The following C2CD2 variants were observed in gnomAD, a reference collection of about 807,000 sequenced individuals.
The protein encoded by C2CD2 is C2 calcium dependent domain containing 2, also known as C2 domain-containing protein 2.
C2CD2 carries 43 observed loss-of-function variants against 74.3 expected under a neutral mutation model. The observed-to-expected ratio is 0.58, with a 90% CI of 0.45 to 0.75. C2CD2 has a LOEUF of 0.75. Ranked by LOEUF, C2CD2 falls within the 30% of genes least tolerant of loss-of-function variation. The pLI is 0.00. For missense variants in C2CD2, 801 were observed against 916.3 expected, an observed-to-expected ratio of 0.87 and a Z score of 1.63; for synonymous variants, 422 against 390.7, an observed-to-expected ratio of 1.08 and a Z score of -0.94.
intron 8 of C2CD2, chr21:41,908,087 C>A (rs1170397948): frequency 1.8e-5 from 7 of 391,750 alleles, no homozygotes; most frequent in Non-Finnish European, 3.3e-5. Context: ...GTGACAAAAA[C>A]TGGAAGATGG....
chr21:41,942,048 G>GT (rs2065358633), intron 2 of C2CD2, 99 bp downstream of exon 2: 1 of 1,457,550 alleles, frequency 6.9e-7, no homozygotes, highest in Non-Finnish European at 9.2e-7. Flanking sequence ...TTTTCCTAGT[G>GT]TAAGGGTTCC....
chr21:41,907,116 AG>A lies in C2CD2; in HGVS notation c.1193del (p.Pro398LeufsTer7). ...CCTTTTCTATTTTTGCAGCAGGAACAGGGGGAGGGATGGGCCAGGATTTCAA... is the reference window on the plus strand; with the variant it reads ...CCTTTTCTATTTTTGCAGCAGGAACAGGGGAGGGATGGGCCAGGATTTCAA... The part of the protein sequence containing the change: ...GELKSWPIPP[P>X]VPAAKIEKDR... On this transcript the variant is annotated frameshift_variant, in exon 10 of 14. Transcript: ENST00000380486. LOFTEE classifies it high-confidence loss of function. 1 of 1,614,026 alleles carries A rather than the reference AG, an allele frequency of 6.2e-7. No individual in the cohort carries two copies. Among genetic ancestry groups the A allele is most frequent in the South Asian group, 1.1e-5 (1 of 91,080 alleles).
chr21:41,899,000 A>T, intron 13 of C2CD2, 53 bp downstream of exon 13: 1 of 1,368,346 alleles, frequency 7.3e-7, no homozygotes, highest in African/African-American at 1.5e-5. Flanking sequence ...AGCCAGCATG[A>T]GCGCAAAGCC....
At position 41,953,595 on chromosome 21, in the gene C2CD2, C is replaced by G. The variant is rs910893813; in HGVS notation, c.54G>C (p.Leu18=). The part of the protein sequence containing the change: ...SWLGEAQWLA[L]VSLFVAALAT... ...CCAGGGCCGCGACGAAGAGCGACAC[C>G]AGCGCGAGCCACTGCGCCTCCCCGA... Residue 18 remains leucine (L), a synonymous_variant, in exon 1 of 14, where the codon CTG becomes CTC. Transcript: ENST00000380486. 3 of 1,492,956 alleles carry G rather than the reference C, an allele frequency of 2.0e-6. No individual in the cohort carries two copies. In the African/African-American group the frequency reaches 4.4e-5, roughly 22 times the overall value. The allele number at this position is 1,492,956 out of a possible 1,614,324, so 92.5% of individuals were successfully genotyped here. A position where few individuals can be genotyped will look rare whatever the true frequency, so the allele number is the denominator to read the frequency against.
chr21:41,951,564 C>T (rs541396952), intron 1 of C2CD2, among the ~76,000 whole-genome samples: 4 of 152,246 alleles, frequency 2.6e-5, no homozygotes, highest in East Asian at 3.9e-4. Context: ...ACAGAGAAGG[C>T]GCAAACAAGG....
In C2CD2 at chr21:41,953,459, G is replaced by C; in HGVS notation, c.190C>G (p.Leu64Val). ...CTGCCCAGCGTCAGGATCCAGGAGA[G>C]CAGCGCGTCGGACCCCGGGCGCGGC... ...EGPRPGSDALLSWILTLGSWR... is the reference protein window; with the variant it reads ...EGPRPGSDALVSWILTLGSWR... Residue 64 changes from leucine to valine, a missense_variant, in exon 1 of 14, where the codon CTC becomes GTC. Coordinates refer to ENST00000380486, the MANE Select transcript of C2CD2 (RefSeq NM_015500.2). The C allele has an allele frequency of 1.3e-6, 2 of 1,488,746 alleles. No individual in the cohort carries two copies. Among genetic ancestry groups the C allele is most frequent in the Non-Finnish European group, 1.8e-6 (2 of 1,116,152 alleles). 92.2% of individuals were successfully genotyped at this position (1,488,746 alleles called of 1,614,324 possible).
chr21:41,889,384 G>T, intron 13 of C2CD2, 40 bp from the exon 14 acceptor site: 1 of 1,380,756 alleles, frequency 7.2e-7, no homozygotes, highest in Non-Finnish European at 1.0e-6. Context: ...AGTGGGCAGG[G>T]AATGAGGGGC....
chr21:41,909,998 T>TA (rs4009689), intron 7 of C2CD2, among the ~76,000 whole-genome samples: 244 of 143,666 alleles, frequency 1.7e-3, no homozygotes, highest in Admixed American at 2.9e-3. Flanking sequence ...ACAAAGGCAT[T>TA]AAAAAAAAAA....
intron 10 of C2CD2, 33 bp from the exon 11 acceptor site, chr21:41,905,870 C>T (rs1165925424): frequency 8.4e-7 from 1 of 1,195,288 alleles, no homozygotes; most frequent in Admixed American, 1.7e-5. Flanking sequence ...ACAAAAGCGG[C>T]CCCGTGGCTG....
intron 2 of C2CD2, among the ~76,000 whole-genome samples, chr21:41,934,334 G>C (rs1411775809): frequency 6.6e-6 from 1 of 152,158 alleles, no homozygotes; most frequent in African/African-American, 2.4e-5. Context: ...GGAGGCTGAG[G>C]CAGGAGGACT....
In C2CD2 at chr21:41,934,663, G is replaced by A. The variant is rs139896347; in HGVS notation, c.378+7484C>T. On this transcript the variant is annotated intron_variant, in intron 2 of 13. Transcript: ENST00000380486. ...GAGGTAGGAGAAAATATTGAGCCCC[G>A]CACAGGCTTGGCATTGCTCCATGTG... 1.9e-3 allele frequency among the ~76,000 whole-genome samples: 283 copies of A among 152,294 alleles called. 3 individuals carry two copies. Among genetic ancestry groups the A allele is most frequent in the African/African-American group, 6.0e-4 (25 of 41,554 alleles).
chr21:41,891,068 A>G (rs2064747138), intron 13 of C2CD2, among the ~76,000 whole-genome samples: 1 of 152,164 alleles, frequency 6.6e-6, no homozygotes, highest in Non-Finnish European at 1.5e-5. Context: ...CATTTTTTAC[A>G]GTGATCTAAA....
At chr21:41,912,835 A>G (rs746509155) in intron 6 of C2CD2, among the ~76,000 whole-genome samples, 4 of 152,216 alleles carry the variant, frequency 2.6e-5, no homozygotes, top group Non-Finnish European at 4.4e-5. Context: ...TGCATAGAAA[A>G]AAAAGGCTAA....
At chr21:41,909,657 CA>C in intron 7 of C2CD2, 134 bp from the exon 8 acceptor site, 2 of 688,972 alleles carry the variant, frequency 2.9e-6, no homozygotes, top group Non-Finnish European at 5.2e-6. Flanking sequence ...GACATATAAG[CA>C]AAAAAAGGGA....
chr21:41,899,057 A>G lies in C2CD2; in HGVS notation c.1866T>C (p.His622=), dbSNP rs1174237002. 1.2e-6 allele frequency: 2 copies of G among 1,613,080 alleles called. No homozygotes were observed. Among genetic ancestry groups the G allele is most frequent in the Non-Finnish European group, 1.7e-6 (2 of 1,179,604 alleles). ...GGGGGGCTCGGGAGCAGGTACCTTT[A>G]TGCTTTTTGGCAGTGCCCGGCTCCA... ...SVLEPGTAKK[H]KGGILRKGAK... Residue 622 remains histidine (H), a synonymous_variant, in exon 13 of 14, where the codon CAT becomes CAC. Coordinates refer to ENST00000380486, the MANE Select transcript of C2CD2 (RefSeq NM_015500.2). This position sits in a 1 kb window ranked among gnomAD's most constrained non-coding sequence, Gnocchi z 4.4.
chr21:41,930,716 A>C (rs960580787), intron 2 of C2CD2, among the ~76,000 whole-genome samples: 2 of 149,976 alleles, frequency 1.3e-5, no homozygotes, highest in African/African-American at 2.4e-5. Flanking sequence ...CAAAACAAAA[A>C]AAAAAAGAAA....
At chr21:41,928,164 G>A (rs1406707988) in intron 2 of C2CD2, among the ~76,000 whole-genome samples, 1 of 152,238 alleles carries the variant, frequency 6.6e-6, no homozygotes, top group African/African-American at 2.4e-5. Context: ...CTGGCAGCTA[G>A]TGCTTCCTGA....
chr21:41,917,080 C>T (rs1310606117), intron 5 of C2CD2, among the ~76,000 whole-genome samples: 1 of 152,216 alleles, frequency 6.6e-6, no homozygotes, highest in South Asian at 2.1e-4. Context: ...GACATCCACA[C>T]CCCTCCTGCT....
intron 2 of C2CD2, 51 bp from the exon 3 acceptor site, chr21:41,922,136 C>A (rs73365207): frequency 5.0e-6 from 5 of 1,004,316 alleles, no homozygotes; most frequent in Non-Finnish European, 7.8e-6. Flanking sequence ...CAAAGGACAG[C>A]GCGTGCATAC....
Sources: gnomAD v4.1 joint callset for allele counts (sites outside exome capture counted in the v4.1 genomes callset) on GRCh38, gnomAD v4.1.1 for gene constraint, Gnocchi (gnomAD v3.1) non-coding constraint, MANE v1.5 for transcripts, NCBI Gene and HGNC (gene_info 2026-07-23, HGNC 2026-07-21) for gene names.